ALDH9A1: variants seen among roughly 807,000 people sequenced by gnomAD.
The protein encoded by ALDH9A1 is aldehyde dehydrogenase 9 family member A1, also known as 4-trimethylaminobutyraldehyde dehydrogenase.
A neutral mutation model predicts 56.6 loss-of-function variants in ALDH9A1; 42 were observed. The ratio of observed to expected loss-of-function variants is 0.74; its 90% confidence interval spans 0.58 to 0.96. The LOEUF (loss-of-function observed/expected upper bound fraction) is 0.96. Among genes scored for constraint, ALDH9A1 ranks in the 40% least tolerant of loss-of-function variants. The pLI, the probability that ALDH9A1 is intolerant of heterozygous loss-of-function variation, is 0.00. For missense variants in ALDH9A1, 661 were observed against 651.5 expected (o/e 1.01, Z -0.16); for synonymous variants, 242 against 236.0 (o/e 1.03, Z -0.23).
At chr1:165,663,229 A>C in intron 10 of ALDH9A1, 85 bp from the exon 11 acceptor site, 1 of 1,107,860 alleles carries the variant, frequency 9.0e-7, no homozygotes, top group Non-Finnish European at 1.4e-6. Flanking sequence ...AGCACTGCTA[A>C]TCAGGGCTAG....
chr1:165,695,978 A>T (rs1293895296), intron 1 of ALDH9A1, among the ~76,000 whole-genome samples: 1 of 151,934 alleles, frequency 6.6e-6, no homozygotes, highest in South Asian at 2.1e-4. Flanking sequence ...CAGCCTCCCG[A>T]GTAGCTGGGA....
At chr1:165,668,282 G>A (rs904800978) in intron 8 of ALDH9A1, among the ~76,000 whole-genome samples, 3 of 152,134 alleles carry the variant, frequency 2.0e-5, no homozygotes, top group East Asian at 1.9e-4. Flanking sequence ...TTTGGGTCAC[G>A]GGGCAAATCC....
rs747386157 is a variant in ALDH9A1 at position 165,665,042 on chromosome 1, G to A, written c.1438C>T (p.Pro480Ser). The A allele has an allele frequency of 3.7e-6, 6 of 1,613,726 alleles. No individual in the cohort carries two copies. Among genetic ancestry groups the A allele is most frequent in the South Asian group, 3.3e-5 (3 of 91,076 alleles). Residue 480 changes from proline to serine, a missense_variant, in exon 10 of 11, where the codon CCC becomes TCC. Pro to Ser is a moderately conservative substitution (Grantham distance 74, BLOSUM62 -1). Transcript: ENST00000354775. ...CCTGACTTCTTATATCCACCAAAGG[G>A]CAACTCCACTGGGCTGACGTTATAG... is the stretch of plus-strand genomic sequence containing the variant. The part of the protein sequence containing the change: ...NNYNVSPVEL[P>S]FGGYKKSGFG...
Position 165,695,315 on chromosome 1 carries a change from T to C in ALDH9A1, c.264A>G (p.Ile88Met), listed in dbSNP as rs116662518. Residue 88 changes from isoleucine (I) to methionine (M), a missense_variant, in exon 2 of 11, where the codon ATA becomes ATG. Ile to Met is a conservative substitution (Grantham distance 10). Coordinates refer to ENST00000354775, the MANE Select transcript of ALDH9A1 (RefSeq NM_000696.4). ...AVQNAKAAFK[I>M]WSQKSGMERC... The stretch of plus-strand genomic sequence containing the variant: ...GCTCCATGCCAGATTTTTGACTCCA[T>C]ATTTTAAAAGCAGCCTTTGCATTTT... 1.3e-4 allele frequency: 209 copies of C among 1,613,392 alleles called. No individual in the cohort carries two copies. In the African/African-American group the frequency reaches 2.6e-3, roughly 20 times the overall value.
intron 1 of ALDH9A1, 68 bp from the exon 2 acceptor site, chr1:165,695,465 T>C: frequency 9.4e-7 from 1 of 1,069,304 alleles, no homozygotes; most frequent in Non-Finnish European, 1.3e-6. Context: ...ATATTATCTA[T>C]CAATATTCTC....
intron 2 of ALDH9A1, among the ~76,000 whole-genome samples, chr1:165,684,017 A>C (rs1649633364): frequency 6.6e-6 from 1 of 152,256 alleles, no homozygotes; most frequent in South Asian, 2.1e-4. Flanking sequence ...GATAAGCAGT[A>C]AGGCTGGCCA....
chr1:165,667,286 T>C, intron 9 of ALDH9A1, 23 bp downstream of exon 9: 1 of 1,613,614 alleles, frequency 6.2e-7, no homozygotes, highest in East Asian at 2.2e-5. Flanking sequence ...TCAAAACTGC[T>C]CTCAGTGTCC....
chr1:165,670,991 A>C (rs1649161445), intron 6 of ALDH9A1, among the ~76,000 whole-genome samples: 1 of 152,200 alleles, frequency 6.6e-6, no homozygotes. Context: ...GAACTAGTTC[A>C]ACGTGGGAGA....
intron 1 of ALDH9A1, among the ~76,000 whole-genome samples, chr1:165,696,387 A>G (rs913726068): frequency 1.3e-5 from 2 of 152,180 alleles, no homozygotes; most frequent in African/African-American, 4.8e-5. Context: ...ACATTATCTC[A>G]GAATCTCAGG....
At chr1:165,684,090 A>G (rs371911063) in intron 2 of ALDH9A1, among the ~76,000 whole-genome samples, 94 of 152,324 alleles carry the variant, frequency 6.2e-4, no homozygotes, top group African/African-American at 2.2e-3. Flanking sequence ...AAGCTCAGAA[A>G]AGATGAAAGT....
At position 165,668,953 on chromosome 1, in the gene ALDH9A1, C is replaced by T. The variant is rs1649088472; in HGVS notation, c.1180G>A (p.Gly394Arg). 6.2e-7 allele frequency: 1 copy of T among 1,610,064 alleles called. No homozygotes were observed. The highest frequency in any genetic ancestry group is 1.3e-5 in the African/African-American group (1 of 74,792). ...YVPEDPKLKD[G>R]YYMRPCVLTN... ...AATACACAAGGTCTCATGTAATATC[C>T]ATCCTTTAATTTGGGATCTTCAGGT... Residue 394 changes from glycine (G) to arginine (R), a missense_variant, in exon 8 of 11, where the codon GGA becomes AGA. Transcript: ENST00000354775.
At chr1:165,679,973 A>G (rs1649491371) in intron 5 of ALDH9A1, among the ~76,000 whole-genome samples, 1 of 152,170 alleles carries the variant, frequency 6.6e-6, no homozygotes, top group South Asian at 2.1e-4. Flanking sequence ...TGACTACACC[A>G]CTATAATCCA....
chr1:165,662,512 G>A lies in ALDH9A1; in HGVS notation c.*538C>T, dbSNP rs912350753. 1 of 152,524 alleles carries A rather than the reference G, an allele frequency of 6.6e-6. No individual in the cohort carries two copies. The highest frequency in any genetic ancestry group is 6.5e-5 in the Admixed American group (1 of 15,294). 9.4% of individuals were successfully genotyped at this position (152,524 alleles called of 1,614,324 possible). A position where few individuals can be genotyped will look rare whatever the true frequency, so the allele number is the denominator to read the frequency against. On this transcript the variant is annotated 3_prime_UTR_variant, in exon 11 of 11. Transcript: ENST00000354775. ...TAGCTTAAAAAAATGTCAATGAGCT[G>A]AAATCATCTCTACTGATTCTACCAG...
chr1:165,692,437 C>T (rs977290728), intron 2 of ALDH9A1, among the ~76,000 whole-genome samples: 3 of 152,136 alleles, frequency 2.0e-5, no homozygotes, highest in African/African-American at 7.2e-5. Context: ...AACACAGAGC[C>T]AAATCATGAG....
Position 165,698,379 on chromosome 1 carries a change from G to A in ALDH9A1, c.180C>T (p.Thr60=), listed in dbSNP as rs748007667. ...GCCTCCCCGGCTCGTTGCAGTTACCGGTTGCTGGCTCGAAAGCTTTCTCGG... is the reference window on the plus strand; with the variant it reads ...GCCTCCCCGGCTCGTTGCAGTTACCAGTTGCTGGCTCGAAAGCTTTCTCGG... ...SGTEKAFEPA[T]GRVIATFTCS... The change falls in exon 1 of 11, where the codon ACC becomes ACT. Residue 60 remains threonine, a splice_region_variant and synonymous_variant. Transcript: ENST00000354775. 6.9e-6 allele frequency: 11 copies of A among 1,590,716 alleles called. No homozygotes were observed. Among genetic ancestry groups the A allele is most frequent in the Non-Finnish European group, 9.4e-6 (11 of 1,170,548 alleles).
intron 6 of ALDH9A1, among the ~76,000 whole-genome samples, chr1:165,678,403 T>C (rs377618915): frequency 3.3e-5 from 5 of 151,988 alleles, no homozygotes; most frequent in Admixed American, 3.3e-4. Flanking sequence ...TTATAACACA[T>C]AGAATGAAAT....
chr1:165,683,538 G>T (rs528422368), intron 2 of ALDH9A1, among the ~76,000 whole-genome samples: 1 of 152,152 alleles, frequency 6.6e-6, no homozygotes, highest in Admixed American at 6.5e-5. Flanking sequence ...AATGTAATAC[G>T]TACATGTACG....
Position 165,665,052 on chromosome 1 carries a change from T to C in ALDH9A1, c.1428A>G (p.Pro476=). The change falls in exon 10 of 11, where the codon CCA becomes CCG. Residue 476 remains proline (P), a synonymous_variant. Transcript: ENST00000354775. ...TCFINNYNVS[P]VELPFGGYKK... ...TATATCCACCAAAGGGCAACTCCAC[T>C]GGGCTGACGTTATAGTTGTTAATGA... The C allele has an allele frequency of 6.2e-7, 1 of 1,613,982 alleles. No homozygotes were observed. Among genetic ancestry groups the C allele is most frequent in the East Asian group, 2.2e-5 (1 of 44,882 alleles).
intron 1 of ALDH9A1, 87 bp downstream of exon 1, chr1:165,698,291 C>T: frequency 6.6e-7 from 1 of 1,508,924 alleles, no homozygotes; most frequent in Non-Finnish European, 8.8e-7. Context: ...CAAGTCAACG[C>T]TGCAGAACAC....
Sources: gnomAD v4.1 joint callset for allele counts (sites outside exome capture counted in the v4.1 genomes callset) on GRCh38, gnomAD v4.1.1 for gene constraint, MANE v1.5 for transcripts, NCBI Gene and HGNC (gene_info 2026-07-23, HGNC 2026-07-21) for gene names.